Variants in DHX29 observed in about 807,000 individuals in gnomAD.
The protein encoded by DHX29 is ATP-dependent RNA helicase DHX29.
A neutral mutation model predicts 167.9 loss-of-function variants in DHX29; 79 were observed. The ratio of observed to expected loss-of-function variants is 0.47; its 90% CI spans 0.39 to 0.57. DHX29 has a LOEUF of 0.57. Among genes scored for constraint, DHX29 ranks in the 20% least tolerant of loss-of-function variants. The pLI is 0.00. For synonymous variants in DHX29, 530 were observed against 546.0 expected (o/e 0.97, Z 0.41); for missense variants, 1,347 against 1,593.4 (o/e 0.85, Z 2.63).
intron 23 of DHX29, among the ~76,000 whole-genome samples, chr5:55,265,967 AAT>A (rs909814185): frequency 6.6e-6 from 1 of 152,038 alleles, no homozygotes; most frequent in African/African-American, 2.4e-5. Context: ...AGAGTTGAGA[AAT>A]GTAGATTCTC....
At chr5:55,267,589 C>T in intron 22 of DHX29, 97 bp downstream of exon 22, 1 of 1,120,584 alleles carries the variant, frequency 8.9e-7, no homozygotes, top group Non-Finnish European at 1.2e-6. Flanking sequence ...AAATTTAAAC[C>T]TCAGAAGTAC....
intron 11 of DHX29, 89 bp from the exon 12 acceptor site, chr5:55,281,604 CT>C (rs1001036257): frequency 1.1e-6 from 1 of 926,098 alleles, no homozygotes. Flanking sequence ...GCTGATCTTG[CT>C]GTTAAATGGA....
chr5:55,281,049 T>G (rs1579783887), intron 12 of DHX29, among the ~76,000 whole-genome samples: 1 of 147,544 alleles, frequency 6.8e-6, no homozygotes, highest in Admixed American at 6.7e-5. Context: ...CACACACACA[T>G]GCTATATGTA....
At chr5:55,264,647 G>A (rs912985880) in intron 23 of DHX29, among the ~76,000 whole-genome samples, 1 of 151,954 alleles carries the variant, frequency 6.6e-6, no homozygotes, top group Non-Finnish European at 1.5e-5. Context: ...TCCCAAAGAG[G>A]GGACAATTTG....
Position 55,276,277 on chromosome 5 carries a change from T to C in DHX29, c.2416A>G (p.Lys806Glu), listed in dbSNP as rs1215571302. Residue 806 changes from lysine (K) to glutamate (E), a missense_variant, in exon 14 of 27, where the codon AAA becomes GAA. Transcript: ENST00000251636. Reference protein sequence around the residue: ...INVTSKAGGIKKYQEYIPVQT... With the variant: ...INVTSKAGGIEKYQEYIPVQT... ...TATTTTCTTTTTACCTGATATTTTT[T>C]TATTCCCCCTGCTTTGCTTGTAACA... The C allele has an allele frequency of 6.3e-7, 1 of 1,578,066 alleles. No individual in the cohort carries two copies. Among genetic ancestry groups the C allele is most frequent in the Non-Finnish European group, 8.5e-7 (1 of 1,169,998 alleles).
chr5:55,269,794 G>A (rs377262462), intron 20 of DHX29, among the ~76,000 whole-genome samples, 157 bp from the exon 21 acceptor site: 80 of 151,770 alleles, frequency 5.3e-4, no homozygotes, highest in African/African-American at 1.7e-3. Flanking sequence ...TATAATGGGG[G>A]TAGAGGAGTT....
intron 12 of DHX29, among the ~76,000 whole-genome samples, chr5:55,281,053 A>G (rs1747377251): frequency 6.8e-6 from 1 of 146,386 alleles, no homozygotes; most frequent in Non-Finnish European, 1.5e-5. Flanking sequence ...CACACATGCT[A>G]TATGTATATA....
At chr5:55,275,176 G>A (rs1747046067) in intron 14 of DHX29, among the ~76,000 whole-genome samples, 166 bp from the exon 15 acceptor site, 1 of 152,156 alleles carries the variant, frequency 6.6e-6, no homozygotes, top group Admixed American at 6.5e-5. Context: ...TAATAGTGGT[G>A]AGAGTATCAG....
chr5:55,299,315 T>G (rs1219302674), intron 1 of DHX29, among the ~76,000 whole-genome samples: 1 of 152,218 alleles, frequency 6.6e-6, no homozygotes, highest in Non-Finnish European at 1.5e-5. Context: ...GATATGATTG[T>G]TGGCAGAGTA....
intron 3 of DHX29, 94 bp from the exon 4 acceptor site, chr5:55,296,443 A>C (rs1579815280): frequency 7.3e-7 from 1 of 1,378,488 alleles, no homozygotes; most frequent in East Asian, 2.5e-5. Context: ...AAACTTTGAC[A>C]CAAATTATAA....
intron 1 of DHX29, among the ~76,000 whole-genome samples, chr5:55,302,860 T>C (rs2606585): frequency 0.13 from 19,353 of 152,168 alleles, 1,439 homozygotes; most frequent in East Asian, 0.26. Flanking sequence ...TTATGACAGC[T>C]ACTTTCCTTA....
chr5:55,289,195 G>A (rs1046550655), intron 8 of DHX29, 75 bp downstream of exon 8: 28 of 1,411,198 alleles, frequency 2.0e-5, no homozygotes, highest in Admixed American at 1.7e-4. Flanking sequence ...GCAAAGTAAC[G>A]AATTTTACCA....
chr5:55,258,070 C>T (rs976377165), intron 26 of DHX29, among the ~76,000 whole-genome samples: 15 of 152,116 alleles, frequency 9.9e-5, no homozygotes, highest in African/African-American at 3.4e-4. Context: ...CAGTAGCTCC[C>T]CCAACTTGCC....
intron 12 of DHX29, 74 bp downstream of exon 12, chr5:55,281,298 C>G: frequency 8.1e-7 from 1 of 1,238,970 alleles, no homozygotes; most frequent in African/African-American, 1.6e-5. Flanking sequence ...AAAATGTTAT[C>G]TAGTATTAGG....
intron 2 of DHX29, 44 bp from the exon 3 acceptor site, chr5:55,297,442 TA>T: frequency 1.2e-6 from 1 of 818,384 alleles, no homozygotes; most frequent in Non-Finnish European, 2.0e-6. Context: ...GCTAAATTAT[TA>T]AAAAATTAAA....
chr5:55,261,288 A>G (rs933141320), intron 25 of DHX29, 80 bp downstream of exon 25: 2 of 691,584 alleles, frequency 2.9e-6, no homozygotes, highest in East Asian at 2.7e-5. Context: ...GCAAACTCCA[A>G]TAAAATTTAA....
Position 55,296,293 on chromosome 5 carries a change from G to C in DHX29, c.432C>G (p.Ala144=). Residue 144 remains alanine, a synonymous_variant, in exon 4 of 27, where the codon GCC becomes GCG. Transcript: ENST00000251636. The part of the protein sequence containing the change: ...FSFKTKDIED[A]MTNTLLYGGD... ...CTCCATATAAGAGTGTATTGGTCAT[G>C]GCATCTTCAATGTCCTTTGTCTTAA... is the stretch of plus-strand genomic sequence containing the variant. 6.2e-7 allele frequency: 1 copy of C among 1,613,600 alleles called. No individual in the cohort carries two copies. The highest frequency in any genetic ancestry group is 8.5e-7 in the Non-Finnish European group (1 of 1,179,724).
intron 1 of DHX29, among the ~76,000 whole-genome samples, chr5:55,300,163 G>A (rs1294386448): frequency 6.6e-6 from 1 of 152,020 alleles, no homozygotes; most frequent in African/African-American, 2.4e-5. Flanking sequence ...CTTGAGCCCA[G>A]GAGTTTGAGA....
chr5:55,270,515 T>TCAAAAATAAAGTAATACTAAATACTAA, intron 19 of DHX29, 28 bp from the exon 20 acceptor site: 2 of 1,613,254 alleles, frequency 1.2e-6, no homozygotes, highest in Non-Finnish European at 1.7e-6. Flanking sequence ...ACTAAATACA[T>TCAAAAATAAAGTAATACTAAATACTAA]ATTATCAGAA....
Sources: gnomAD v4.1 joint callset for allele counts (sites outside exome capture counted in the v4.1 genomes callset) on GRCh38, gnomAD v4.1.1 for gene constraint, MANE v1.5 for transcripts, NCBI Gene and HGNC (gene_info 2026-07-23, HGNC 2026-07-21) for gene names.